LONP2: variants seen among roughly 807,000 people sequenced by gnomAD.
The protein encoded by LONP2 is lon protease homolog 2, peroxisomal.
Under a neutral mutation model 85.6 loss-of-function variants are expected in LONP2, and 60 were observed. That is an observed-to-expected ratio of 0.70 (90% CI 0.57 to 0.87). The LOEUF (loss-of-function observed/expected upper bound fraction) is 0.87. LONP2 is among the 40% of genes least tolerant of loss of function. The pLI is 0.00. For synonymous variants in LONP2, 395 were observed against 389.7 expected (o/e 1.01, Z -0.16); for missense variants, 860 against 1,063.5 (o/e 0.81, Z 2.66).
chr16:48,346,616 CTT>C (rs1327902106), intron 12 of LONP2, among the ~76,000 whole-genome samples: 1 of 152,022 alleles, frequency 6.6e-6, no homozygotes, highest in Admixed American at 6.5e-5. Context: ...ACCCTTCTCA[CTT>C]TTCTTTTCAA....
chr16:48,285,311 T>TAAA, intron 8 of LONP2, among the ~76,000 whole-genome samples: 1 of 152,170 alleles, frequency 6.6e-6, no homozygotes, highest in African/African-American at 2.4e-5. Context: ...TTGACTGTGT[T>TAAA]TATGTGTGAT....
chr16:48,273,130 A>G (rs1270036112), intron 7 of LONP2, among the ~76,000 whole-genome samples: 2 of 152,162 alleles, frequency 1.3e-5, no homozygotes, highest in African/African-American at 4.8e-5. Flanking sequence ...AGTAGGCACC[A>G]CTGTTCCGCA....
intron 11 of LONP2, among the ~76,000 whole-genome samples, chr16:48,327,846 T>C (rs1415269475): frequency 1.3e-5 from 2 of 152,230 alleles, no homozygotes; most frequent in African/African-American, 2.4e-5. Flanking sequence ...AATAGTGATA[T>C]ATAGTATAGC....
At chr16:48,257,441 T>C (rs1323499526) in intron 3 of LONP2, among the ~76,000 whole-genome samples, 1 of 152,188 alleles carries the variant, frequency 6.6e-6, no homozygotes, top group Non-Finnish European at 1.5e-5. Context: ...TCATGTTTCT[T>C]ATATAAATCA....
In LONP2 at chr16:48,348,282, G is replaced by T; in HGVS notation, c.2329G>T (p.Val777Phe). ...MTGEITLRGL[V>F]LPVGGIKDKV... Reference sequence around the variant, plus strand: ...TGGAGAAATTACACTGAGAGGTCTTGTTCTTCCAGTAAGTATGAAAAAACA... The same window carrying T: ...TGGAGAAATTACACTGAGAGGTCTTTTTCTTCCAGTAAGTATGAAAAAACA... The change falls in exon 14 of 15, where the codon GTT becomes TTT. Residue 777 changes from valine to phenylalanine, a missense_variant. Val to Phe is a conservative substitution (Grantham distance 50, BLOSUM62 -1). Transcript: ENST00000285737. 6.8e-7 allele frequency: 1 copy of T among 1,477,760 alleles called. No homozygotes were observed. The highest frequency in any genetic ancestry group is 1.5e-5 in the South Asian group (1 of 67,680). The allele number at this position is 1,477,760 out of a possible 1,614,324, so 91.5% of individuals were successfully genotyped here. A position where few individuals can be genotyped will look rare whatever the true frequency, so the allele number is the denominator to read the frequency against.
intron 3 of LONP2, 150 bp downstream of exon 3, chr16:48,256,891 G>T (rs2150965979): frequency 1.5e-6 from 1 of 689,616 alleles, no homozygotes; most frequent in East Asian, 3.0e-5. Flanking sequence ...TTTCAAATGT[G>T]ATTGTTTTAT....
At chr16:48,328,870 GTA>G (rs1165473974) in intron 11 of LONP2, among the ~76,000 whole-genome samples, 1 of 151,732 alleles carries the variant, frequency 6.6e-6, no homozygotes, top group Admixed American at 6.6e-5. Flanking sequence ...GCGGGAGCCA[GTA>G]TATAATTCAG....
In LONP2 at chr16:48,357,156, A is replaced by G. The variant is rs893283799; in HGVS notation, c.*5354A>G. 3 of 152,244 alleles carry G rather than the reference A, an allele frequency of 2.0e-5. No homozygotes were observed. The highest frequency in any genetic ancestry group is 2.1e-4 in the South Asian group (1 of 4,836). 9.4% of individuals were successfully genotyped at this position (152,244 alleles called of 1,614,324 possible). A position where few individuals can be genotyped will look rare whatever the true frequency, so the allele number is the denominator to read the frequency against. On this transcript the variant is annotated 3_prime_UTR_variant, in exon 15 of 15. Transcript: ENST00000285737. ...TTCCTCATTCCCTTACGCAGTGGAC[A>G]TCATACCCTTTTGTGGAGGAGGGAC... is the stretch of plus-strand genomic sequence containing the variant.
In LONP2 at chr16:48,277,603, G is replaced by A. The variant is rs568625490; in HGVS notation, c.1383+124G>A. ...GTTATGGGAAAAACAGTTTGATACC[G>A]GCTGAGGTCTGAGCAATTTGGCACT... On this transcript the variant is annotated intron_variant, in intron 8 of 14. Coordinates refer to ENST00000285737, the MANE Select transcript of LONP2 (RefSeq NM_031490.5). 85 of 891,188 alleles carry A rather than the reference G, an allele frequency of 9.5e-5. 1 individual carries two copies. The highest frequency in any genetic ancestry group is 6.0e-4 in the African/African-American group (34 of 57,052). 55.2% of individuals were successfully genotyped at this position (891,188 alleles called of 1,614,324 possible). A position where few individuals can be genotyped will look rare whatever the true frequency, so the allele number is the denominator to read the frequency against.
intron 7 of LONP2, among the ~76,000 whole-genome samples, chr16:48,274,404 G>C (rs1388290289): frequency 2.6e-5 from 4 of 151,804 alleles, no homozygotes; most frequent in Non-Finnish European, 4.4e-5. Flanking sequence ...GCGCTCTCTG[G>C]GTGTTTTGTG....
intron 7 of LONP2, among the ~76,000 whole-genome samples, chr16:48,272,379 A>G (rs963592159): frequency 3.9e-5 from 6 of 152,198 alleles, no homozygotes; most frequent in African/African-American, 1.4e-4. Flanking sequence ...GTATAGTGTC[A>G]TGGTTCTCAC....
chr16:48,304,338 T>A (rs1596966906), intron 11 of LONP2, among the ~76,000 whole-genome samples: 2 of 152,364 alleles, frequency 1.3e-5, no homozygotes, highest in Admixed American at 1.3e-4. Context: ...AATTATTCTT[T>A]AAAAAATTAT....
rs9938594 is a variant in LONP2, at chr16:48,285,994, C to T, written c.1383+8515C>T. ...GCAGCTACCATTCTCTTTTCTGTTT[C>T]TATGAGTGACTACTCTATATACCTC... On this transcript the variant is annotated intron_variant, in intron 8 of 14. Transcript: ENST00000285737. 4.3e-3 allele frequency among the ~76,000 whole-genome samples: 660 copies of T among 152,260 alleles called. 4 individuals carry two copies. The highest frequency in any genetic ancestry group is 0.015 in the African/African-American group (625 of 41,542).
intron 6 of LONP2, among the ~76,000 whole-genome samples, chr16:48,265,463 T>C (rs1302580945): frequency 6.6e-6 from 1 of 152,240 alleles, no homozygotes; most frequent in Non-Finnish European, 1.5e-5. Flanking sequence ...CAACATTTTC[T>C]TGAAGAGACT....
At chr16:48,360,253 T>C (rs569609593), downstream of LONP2, among the ~76,000 whole-genome samples, 6 of 128,380 alleles carry the variant, frequency 4.7e-5, no homozygotes, top group East Asian at 9.9e-4. Flanking sequence ...ATAGTGAATT[T>C]ATTATATCAT....
rs1323883213 is a variant in LONP2 at position 48,354,782 on chromosome 16, A to AAAAT, written c.*2983_*2986dup. On this transcript the variant is annotated 3_prime_UTR_variant, in exon 15 of 15. Coordinates refer to ENST00000285737, the MANE Select transcript of LONP2 (RefSeq NM_031490.5). ...GAGGGTCAGGCCACTCTTTTTCTTC[A>AAAAT]AAATAATGGGGTGCAGAAGGGTAGG... is the stretch of plus-strand genomic sequence containing the variant. 6.6e-6 allele frequency: 1 copy of AAAAT among 152,158 alleles called. No individual in the cohort carries two copies. Among genetic ancestry groups the AAAAT allele is most frequent in the Non-Finnish European group, 1.5e-5 (1 of 68,024 alleles). 9.4% of individuals were successfully genotyped at this position (152,158 alleles called of 1,614,324 possible).
Position 48,357,032 on chromosome 16 carries a change from A to G in LONP2, c.*5230A>G, listed in dbSNP as rs1960393692. 6.5e-6 allele frequency: 1 copy of G among 153,330 alleles called. No individual in the cohort carries two copies. Among genetic ancestry groups the G allele is most frequent in the African/African-American group, 2.4e-5 (1 of 41,478 alleles). The allele number at this position is 153,330 out of a possible 1,614,324, so 9.5% of individuals were successfully genotyped here. On this transcript the variant is annotated 3_prime_UTR_variant, in exon 15 of 15. Transcript: ENST00000285737. ...TGATAATAAAGTGTATTTCTTTGTC[A>G]AGTTTCTAGAGCTATATAAGGATAG...
chr16:48,260,710 A>G (rs1488517843), intron 4 of LONP2, among the ~76,000 whole-genome samples: 1 of 152,244 alleles, frequency 6.6e-6, no homozygotes, highest in Non-Finnish European at 1.5e-5. Flanking sequence ...GTTTTAACAT[A>G]TGATAGAGAG....
Position 48,244,335 on chromosome 16 carries a change from G to T in LONP2, c.-54G>T. ...TTTGGTGACTGCGGGGCAGGCCGGG[G>T]GCAGCTGTCTGTCTGGCTCTTTTTG... On this transcript the variant is annotated 5_prime_UTR_variant, in exon 1 of 15. Coordinates refer to ENST00000285737, the MANE Select transcript of LONP2 (RefSeq NM_031490.5). 1 of 1,331,198 alleles carries T rather than the reference G, an allele frequency of 7.5e-7. No individual in the cohort carries two copies. Among genetic ancestry groups the T allele is most frequent in the Non-Finnish European group, 1.0e-6 (1 of 998,274 alleles). The allele number at this position is 1,331,198 out of a possible 1,614,324, so 82.5% of individuals were successfully genotyped here. A position where few individuals can be genotyped will look rare whatever the true frequency, so the allele number is the denominator to read the frequency against.
Sources: gnomAD v4.1 joint callset for allele counts (sites outside exome capture counted in the v4.1 genomes callset) on GRCh38, gnomAD v4.1.1 for gene constraint, MANE v1.5 for transcripts, NCBI Gene and HGNC (gene_info 2026-07-23, HGNC 2026-07-21) for gene names.